Variants in ZNF705B observed in about 807,000 individuals in gnomAD.
The protein encoded by ZNF705B is Putative zinc finger protein 705D-like protein LOC100132396.
A neutral mutation model predicts 10.5 loss-of-function variants in ZNF705B; 1 was observed. The observed-to-expected ratio is 0.10, with a 90% CI of 0.03 to 0.45. The LOEUF is 0.45. Ranked by LOEUF, ZNF705B falls within the 20% of genes least tolerant of loss-of-function variation. ZNF705B has a pLI of 0.97. For missense variants in ZNF705B, 14 were observed against 84.0 expected (o/e 0.17, Z 3.26); for synonymous variants, 4 against 25.4 (o/e 0.16, Z 2.53).
rs559741635 is a variant in ZNF705B, at chr8:7,931,259, C to T, written c.-72+823C>T. ...GCAGTAGTCATAGCAGGTCAACTCTCGTGACCCCAGATGGCATGTGCAGAC... is the reference window on the plus strand; with the variant it reads ...GCAGTAGTCATAGCAGGTCAACTCTTGTGACCCCAGATGGCATGTGCAGAC... On this transcript the variant is annotated intron_variant, in intron 2 of 6. Coordinates refer to ENST00000400120, the MANE Select transcript of ZNF705B (RefSeq NM_001193630.1). 2.9e-4 allele frequency among the ~76,000 whole-genome samples: 35 copies of T among 121,194 alleles called. 1 individual carries two copies. The highest frequency in any genetic ancestry group is 5.5e-4 in the South Asian group (2 of 3,632). The allele number at this position is 121,194 out of a possible 152,430, so 79.5% of individuals were successfully genotyped here.
At position 7,926,680 on chromosome 8, in the gene ZNF705B, A is replaced by G. The variant is rs1223974645; in HGVS notation, c.-222+283A>G. 2.3e-3 allele frequency among the ~76,000 whole-genome samples: 247 copies of G among 108,114 alleles called. 4 individuals carry two copies. The highest frequency in any genetic ancestry group is 5.8e-3 in the African/African-American group (207 of 35,822). 70.9% of individuals were successfully genotyped at this position (108,114 alleles called of 152,430 possible). ...GGAACATTTGGGAAGTGATTAAGGA[A>G]CACTGACCTTTACCCACTTGGCCCA... On this transcript the variant is annotated intron_variant, in intron 1 of 6. Transcript: ENST00000400120.
chr8:7,930,936 A>G (rs1819829540), intron 2 of ZNF705B, among the ~76,000 whole-genome samples: 1 of 128,482 alleles, frequency 7.8e-6, no homozygotes, highest in Non-Finnish European at 1.8e-5. Flanking sequence ...AACTCACTGC[A>G]GCTCTGCCTC....
In ZNF705B at chr8:7,928,990, G is replaced by A. The variant is rs1316322789; in HGVS notation, c.-221-1297G>A. Reference sequence around the variant, plus strand: ...TACAAAACTACCTATTAGGTACAATGTACTCTACTCAGGTGACAGGTGTAC... The same window carrying A: ...TACAAAACTACCTATTAGGTACAATATACTCTACTCAGGTGACAGGTGTAC... On this transcript the variant is annotated intron_variant, in intron 1 of 6. Coordinates refer to ENST00000400120, the MANE Select transcript of ZNF705B (RefSeq NM_001193630.1). Among the ~76,000 whole-genome samples the A allele has an allele frequency of 3.4e-5, 4 of 117,422 alleles. 1 individual carries two copies. Among genetic ancestry groups the A allele is most frequent in the Non-Finnish European group, 8.1e-5 (4 of 49,192 alleles). 77.0% of individuals were successfully genotyped at this position (117,422 alleles called of 152,430 possible).
chr8:7,940,381 A>G (rs1184791611), intron 2 of ZNF705B, among the ~76,000 whole-genome samples: 1 of 144,488 alleles, frequency 6.9e-6, no homozygotes, highest in Non-Finnish European at 1.5e-5. Flanking sequence ...CAAGATTATA[A>G]CCATATCCTT....
rs1424601035 is a variant in ZNF705B, at chr8:7,927,574, T to C, written c.-222+1177T>C. ...GCGTGGATAGGTATTGGGTAGCAAT[T>C]GACTCTTCCTAAGATTTTTTTTTTT... On this transcript the variant is annotated intron_variant, in intron 1 of 6. Coordinates refer to ENST00000400120, the MANE Select transcript of ZNF705B (RefSeq NM_001193630.1). Among the ~76,000 whole-genome samples the C allele has an allele frequency of 5.0e-5, 5 of 99,048 alleles. 1 individual carries two copies. The highest frequency in any genetic ancestry group is 1.3e-4 in the African/African-American group (5 of 38,372). 65.0% of individuals were successfully genotyped at this position (99,048 alleles called of 152,430 possible).
intron 1 of ZNF705B, among the ~76,000 whole-genome samples, chr8:7,927,616 T>C (rs1245244537): frequency 1.6e-4 from 19 of 115,488 alleles, no homozygotes; most frequent in African/African-American, 4.1e-4. Context: ...AGACAAACAG[T>C]AGGAGGTTGA....
intron 2 of ZNF705B, among the ~76,000 whole-genome samples, chr8:7,935,983 TA>T (rs1820004191): frequency 1.1e-5 from 1 of 92,112 alleles, no homozygotes; most frequent in South Asian, 4.8e-4. Context: ...TGATATGTGA[TA>T]AATCACTCTT....
rs1369116704 is a variant in ZNF705B, at chr8:7,937,233, C to T, written c.-72+6797C>T. ...GTATTCTGAGCCTCATTCTATTTTC[C>T]ACTCTTGCCCTCTCTCTGTGTCCTC... On this transcript the variant is annotated intron_variant, in intron 2 of 6. Coordinates refer to ENST00000400120, the MANE Select transcript of ZNF705B (RefSeq NM_001193630.1). Among the ~76,000 whole-genome samples the T allele has an allele frequency of 3.4e-5, 4 of 118,696 alleles. 1 individual carries two copies. Among genetic ancestry groups the T allele is most frequent in the Non-Finnish European group, 8.0e-5 (4 of 49,876 alleles). The allele number at this position is 118,696 out of a possible 152,430, so 77.9% of individuals were successfully genotyped here.
Position 7,928,552 on chromosome 8 carries a change from T to G in ZNF705B, c.-221-1735T>G, listed in dbSNP as rs556822899. On this transcript the variant is annotated intron_variant, in intron 1 of 6. Transcript: ENST00000400120. ...GAAACAATATAAAGCAACACAGATGTGGAGGGGAAAGAGAGAAGGAGGAAT... is the reference window on the plus strand; with the variant it reads ...GAAACAATATAAAGCAACACAGATGGGGAGGGGAAAGAGAGAAGGAGGAAT... Among the ~76,000 whole-genome samples the G allele has an allele frequency of 1.0e-3, 117 of 117,184 alleles. 4 individuals carry two copies. Among genetic ancestry groups the G allele is most frequent in the East Asian group, 3.9e-3 (16 of 4,084 alleles). The allele number at this position is 117,184 out of a possible 152,430, so 76.9% of individuals were successfully genotyped here.
chr8:7,927,010 G>T lies in ZNF705B; in HGVS notation c.-222+613G>T, dbSNP rs550397362. On this transcript the variant is annotated intron_variant, in intron 1 of 6. Coordinates refer to ENST00000400120, the MANE Select transcript of ZNF705B (RefSeq NM_001193630.1). ...AATATCTATCTCATATAAAAGTTAT[G>T]TCAACTAAGATACCACTTTCAAGAC... Among the ~76,000 whole-genome samples, 3 of 119,234 alleles carry T rather than the reference G, an allele frequency of 2.5e-5. 1 individual carries two copies. Among genetic ancestry groups the T allele is most frequent in the African/African-American group, 5.1e-5 (2 of 39,566 alleles). The allele number at this position is 119,234 out of a possible 152,430, so 78.2% of individuals were successfully genotyped here. A position where few individuals can be genotyped will look rare whatever the true frequency, so the allele number is the denominator to read the frequency against.
intron 2 of ZNF705B, among the ~76,000 whole-genome samples, chr8:7,936,550 A>G (rs561206181): frequency 8.3e-6 from 1 of 120,230 alleles, no homozygotes; most frequent in African/African-American, 2.5e-5. Context: ...CATAAAAAGA[A>G]CAAAATTGTG....
intron 2 of ZNF705B, among the ~76,000 whole-genome samples, chr8:7,931,058 G>T (rs1195208008): frequency 4.2e-5 from 5 of 119,312 alleles, no homozygotes; most frequent in Admixed American, 1.9e-4. Context: ...TCTCCATGTT[G>T]GTCAGGCTGG....
At chr8:7,926,886 G>T (rs1384485671) in intron 1 of ZNF705B, among the ~76,000 whole-genome samples, 2 of 111,650 alleles carry the variant, frequency 1.8e-5, no homozygotes, top group African/African-American at 5.2e-5. Flanking sequence ...TTCTTTTTTA[G>T]CAAGAAAGAC....
intron 3 of ZNF705B, among the ~76,000 whole-genome samples, 152 bp from the exon 4 acceptor site, chr8:7,948,977 A>G (rs1222428550): frequency 5.1e-5 from 2 of 38,862 alleles, no homozygotes; most frequent in African/African-American, 9.0e-5. Flanking sequence ...TCTGAAAGGC[A>G]GATACCAGCT....
At chr8:7,934,680 T>TTGTG (rs1423502714) in intron 2 of ZNF705B, 20 of 216,768 alleles carry the variant, frequency 9.2e-5, no homozygotes, top group Non-Finnish European at 1.4e-4. Flanking sequence ...TTGTGTGGAT[T>TTGTG]TGTGTGTGTG....
At position 7,936,825 on chromosome 8, in the gene ZNF705B, C is replaced by T. The variant is rs1347343614; in HGVS notation, c.-72+6389C>T. 1.4e-4 allele frequency among the ~76,000 whole-genome samples: 17 copies of T among 119,428 alleles called. 1 individual carries two copies. Among genetic ancestry groups the T allele is most frequent in the African/African-American group, 4.1e-4 (16 of 38,884 alleles). 78.3% of individuals were successfully genotyped at this position (119,428 alleles called of 152,430 possible). ...CAAACCTCAATATCACACAATATAT[C>T]CATGTAACAAATCTGCACATGCACT... On this transcript the variant is annotated intron_variant, in intron 2 of 6. Transcript: ENST00000400120.
chr8:7,927,365 ACTTAAAAG>A, intron 1 of ZNF705B, among the ~76,000 whole-genome samples: 1 of 121,272 alleles, frequency 8.2e-6, no homozygotes, highest in East Asian at 2.3e-4. Context: ...CCAGAAGTTG[ACTTAAAAG>A]TTCCTCTTAC....
chr8:7,941,176 A>C (rs1269070121), intron 2 of ZNF705B, among the ~76,000 whole-genome samples: 4 of 145,914 alleles, frequency 2.7e-5, no homozygotes, highest in African/African-American at 1.0e-4. Context: ...TTATAATAGA[A>C]TGATTTATAT....
intron 1 of ZNF705B, 93 bp downstream of exon 1, chr8:7,926,490 G>A (rs1819689991): frequency 8.6e-6 from 1 of 116,720 alleles, no homozygotes; most frequent in South Asian, 3.0e-4. Flanking sequence ...AGACAGGAAT[G>A]TAGACAACAG....
Sources: gnomAD v4.1 joint callset for allele counts (sites outside exome capture counted in the v4.1 genomes callset) on GRCh38, gnomAD v4.1.1 for gene constraint, MANE v1.5 for transcripts, NCBI Gene and HGNC (gene_info 2026-07-23, HGNC 2026-07-21) for gene names.